ACSF2: variants seen among roughly 807,000 people sequenced by gnomAD.
ACSF2 encodes the protein medium-chain acyl-CoA ligase ACSF2, mitochondrial.
In ACSF2, 52 loss-of-function variants were observed where a neutral mutation model predicts 79.3. The ratio of observed to expected loss-of-function variants is 0.66; its 90% CI spans 0.53 to 0.83. ACSF2 has a LOEUF of 0.83. Ranked by LOEUF, ACSF2 falls within the 40% of genes least tolerant of loss-of-function variation. The pLI is 0.00. For missense variants in ACSF2, 661 were observed against 803.3 expected, an observed-to-expected ratio of 0.82 and a Z score of 2.14; for synonymous variants, 283 against 312.6, an observed-to-expected ratio of 0.91 and a Z score of 1.00.
chr17:50,465,614 T>C, intron 10 of ACSF2: 2 of 1,523,722 alleles, frequency 1.3e-6, no homozygotes, highest in Non-Finnish European at 1.8e-6. Context: ...AGGTAGCAGA[T>C]CTAGGATGCA....
intron 1 of ACSF2, among the ~76,000 whole-genome samples, chr17:50,440,826 G>A (rs188328001): frequency 6.6e-6 from 1 of 152,370 alleles, no homozygotes; most frequent in African/African-American, 2.4e-5. Context: ...GAGCCACTAT[G>A]GGTTGGTGCC....
Position 50,474,431 on chromosome 17 carries a change from G to A in ACSF2, c.1798-71G>A, listed in dbSNP as rs1004477563. 9.6e-6 allele frequency: 15 copies of A among 1,568,230 alleles called. No individual in the cohort carries two copies. The highest frequency in any genetic ancestry group is 1.2e-5 in the Non-Finnish European group (14 of 1,139,782). ...GACTTTCCCTGTTTTGGCACTAAGA[G>A]CCTGAGAAACCCCTTATTCTTGGGT... is the stretch of plus-strand genomic sequence containing the variant. On this transcript the variant is annotated intron_variant, in intron 15 of 15. Transcript: ENST00000300441. The surrounding 1 kb of genome is among the most constrained non-coding windows in gnomAD (Gnocchi z 4.2).
At chr17:50,429,531 T>C (rs944755859) in intron 1 of ACSF2, among the ~76,000 whole-genome samples, 1 of 150,106 alleles carries the variant, frequency 6.7e-6, no homozygotes, top group Admixed American at 6.6e-5. Context: ...CTTTTTTTTT[T>C]ATTTGAGGTG....
At chr17:50,428,301 G>A (rs1472008597) in intron 1 of ACSF2, among the ~76,000 whole-genome samples, 1 of 151,890 alleles carries the variant, frequency 6.6e-6, no homozygotes, top group Non-Finnish European at 1.5e-5. Context: ...CCAACATGGT[G>A]AAACCCCGTT....
At chr17:50,448,534 T>A (rs910397161) in intron 1 of ACSF2, among the ~76,000 whole-genome samples, 1 of 152,116 alleles carries the variant, frequency 6.6e-6, no homozygotes, top group Non-Finnish European at 1.5e-5. Context: ...AGAAAAAAAG[T>A]CTTCAAGTAT....
Position 50,474,431 on chromosome 17 carries a change from GCCTGAGAAACC to G in ACSF2, c.1798-67_1798-57del. The G allele has an allele frequency of 6.4e-7, 1 of 1,568,230 alleles. No individual in the cohort carries two copies. The highest frequency in any genetic ancestry group is 2.2e-5 in the East Asian group (1 of 44,626). On this transcript the variant is annotated intron_variant, in intron 15 of 15. Transcript: ENST00000300441. This position sits in a 1 kb window ranked among gnomAD's most constrained non-coding sequence, Gnocchi z 4.2. ...GACTTTCCCTGTTTTGGCACTAAGA[GCCTGAGAAACC>G]CCTTATTCTTGGGTGAACCAAGACA...
intron 1 of ACSF2, among the ~76,000 whole-genome samples, chr17:50,454,807 G>A (rs1183041300): frequency 6.6e-6 from 1 of 152,134 alleles, no homozygotes; most frequent in African/African-American, 2.4e-5. Flanking sequence ...CAGAGCCGCT[G>A]TGAAGACACA....
intron 10 of ACSF2, chr17:50,468,011 C>G (rs1361957987): frequency 1.3e-6 from 2 of 1,537,338 alleles, no homozygotes; most frequent in Non-Finnish European, 8.8e-7. Context: ...AAGAAGGAAC[C>G]AGGGCAGAGC....
chr17:50,431,234 A>C (rs1177334953), intron 1 of ACSF2, among the ~76,000 whole-genome samples: 1 of 152,210 alleles, frequency 6.6e-6, no homozygotes, highest in Non-Finnish European at 1.5e-5. Context: ...CTCTGCTTTG[A>C]ATGCTGTACA....
chr17:50,436,296 A>AT (rs1416273949), intron 1 of ACSF2, among the ~76,000 whole-genome samples: 2 of 146,142 alleles, frequency 1.4e-5, no homozygotes, highest in Non-Finnish European at 3.0e-5. Context: ...CGCCTGGCTA[A>AT]TTTTTTGTAT....
At chr17:50,460,337 C>A (rs1395981494) in intron 1 of ACSF2, 3 of 476,020 alleles carry the variant, frequency 6.3e-6, no homozygotes, top group Non-Finnish European at 1.2e-5. Context: ...GAGGCAGGGG[C>A]TAGGGGTGAA....
At chr17:50,467,682 C>T (rs79172040) in intron 10 of ACSF2, among the ~76,000 whole-genome samples, 2,344 of 152,132 alleles carry the variant, frequency 0.015, 25 homozygotes, top group Middle Eastern at 0.031. Flanking sequence ...TTACTGGAGA[C>T]GGGAAAAACA....
intron 1 of ACSF2, among the ~76,000 whole-genome samples, chr17:50,455,733 C>T (rs927121009): frequency 3.3e-5 from 5 of 152,190 alleles, no homozygotes; most frequent in South Asian, 4.1e-4. Flanking sequence ...GGAGCTGTGA[C>T]ATAAGACACC....
intron 1 of ACSF2, among the ~76,000 whole-genome samples, chr17:50,439,609 A>T (rs1219055343): frequency 1.3e-5 from 2 of 152,142 alleles, no homozygotes; most frequent in African/African-American, 2.4e-5. Context: ...AGACTGTGCT[A>T]CTGTGACCAC....
chr17:50,439,345 G>A (rs749659746), intron 1 of ACSF2, among the ~76,000 whole-genome samples: 10 of 151,430 alleles, frequency 6.6e-5, no homozygotes, highest in African/African-American at 2.2e-4. Flanking sequence ...AAAGTGCTGG[G>A]ATCACAGGCA....
intron 1 of ACSF2, among the ~76,000 whole-genome samples, chr17:50,438,995 T>G (rs991740699): frequency 6.6e-6 from 1 of 152,196 alleles, no homozygotes; most frequent in African/African-American, 2.4e-5. Context: ...GGAAAGTACT[T>G]AGAATCATGT....
intron 10 of ACSF2, chr17:50,468,457 G>A (rs755789401): frequency 1.4e-5 from 23 of 1,614,256 alleles, no homozygotes; most frequent in Non-Finnish European, 1.9e-5. Flanking sequence ...TCAGGTCGTC[G>A]AAGGCACCTG....
intron 1 of ACSF2, among the ~76,000 whole-genome samples, chr17:50,452,524 G>A (rs971486138): frequency 8.6e-5 from 13 of 151,934 alleles, no homozygotes; most frequent in African/African-American, 3.1e-4. Flanking sequence ...TCGAGGGGTG[G>A]GGCCGGGGGA....
At position 50,471,403 on chromosome 17, in the gene ACSF2, A is replaced by G; in HGVS notation, c.1323+268A>G. 2 of 473,562 alleles carry G rather than the reference A, an allele frequency of 4.2e-6. No homozygotes were observed. Among genetic ancestry groups the G allele is most frequent in the Non-Finnish European group, 7.8e-6 (2 of 257,024 alleles). 29.3% of individuals were successfully genotyped at this position (473,562 alleles called of 1,614,324 possible). A position where few individuals can be genotyped will look rare whatever the true frequency, so the allele number is the denominator to read the frequency against. On this transcript the variant is annotated intron_variant, in intron 11 of 15. Transcript: ENST00000300441. This position sits in a 1 kb window ranked among gnomAD's most constrained non-coding sequence, Gnocchi z 4.1. ...TTCCTGTCTGAGGTGTGTTTTTGCC[A>G]AGCCCACTGTCTGTTTCAGGGCAGC... is the stretch of plus-strand genomic sequence containing the variant.
Sources: allele counts gnomAD v4.1 joint callset (sites outside exome capture counted in the v4.1 genomes callset), GRCh38; gene constraint gnomAD v4.1.1; non-coding constraint Gnocchi (gnomAD v3.1); transcripts MANE v1.5; gene names NCBI Gene and HGNC (gene_info 2026-07-23, HGNC 2026-07-21).